PHF24: variants seen among roughly 807,000 people sequenced by gnomAD.
PHF24 encodes the protein PHD finger protein 24, also known as Galpha inhibitory interacting protein.
PHF24 carries 25 observed loss-of-function variants against 42.6 expected under a neutral mutation model. The observed-to-expected ratio is 0.59, with a 90% CI of 0.43 to 0.82. The LOEUF (loss-of-function observed/expected upper bound fraction) is 0.82. Among genes scored for constraint, PHF24 ranks in the 40% least tolerant of loss-of-function variants. PHF24 has a pLI of 0.00. For missense variants in PHF24, 470 were observed against 538.1 expected, an observed-to-expected ratio of 0.87 and a Z score of 1.25; for synonymous variants, 185 against 204.8, an observed-to-expected ratio of 0.90 and a Z score of 0.83.
At chr9:34,958,226 G>GCGCCGCCGCCGCCGCCGCCGCCGCCGC (rs1240549939), upstream of PHF24, 11 of 150,366 alleles carry the variant, frequency 7.3e-5, no homozygotes, top group African/African-American at 2.6e-4. The surrounding 1 kb of genome is among the most constrained non-coding windows in gnomAD (Gnocchi z 4.5). Context: ...CCGGCCGCGC[G>GCGCCGCCGCCGCCGCCGCCGCCGCCGC]CGCCGCCGCC....
chr9:34,730,364 C>G, the PHF24 span, among the ~76,000 whole-genome samples: 2 of 152,152 alleles, frequency 1.3e-5, no homozygotes, highest in African/African-American at 4.8e-5. Context: ...GCCACCAACA[C>G]CTCAGTATTC....
upstream of PHF24, among the ~76,000 whole-genome samples, chr9:34,955,506 G>A (rs781183324): frequency 3.3e-5 from 5 of 152,056 alleles, no homozygotes; most frequent in Non-Finnish European, 7.4e-5. Context: ...GCGAAACCCC[G>A]TCTCTACCAA....
At chr9:34,703,299 G>T in the PHF24 span, among the ~76,000 whole-genome samples, 1 of 152,030 alleles carries the variant, frequency 6.6e-6, no homozygotes, top group African/African-American at 2.4e-5. Flanking sequence ...CTCCCGAATA[G>T]CTGGGATTAC....
the PHF24 span, among the ~76,000 whole-genome samples, chr9:34,698,178 G>C: frequency 3.5e-4 from 51 of 143,994 alleles, no homozygotes; most frequent in Non-Finnish European, 6.1e-4. Context: ...GTCTTACCCA[G>C]TTTTTGACTT....
the PHF24 span, among the ~76,000 whole-genome samples, chr9:34,798,815 T>C: frequency 6.6e-6 from 1 of 152,330 alleles, no homozygotes; most frequent in South Asian, 2.1e-4. Flanking sequence ...TAATTTACAC[T>C]CCCACCAACA....
the PHF24 span, among the ~76,000 whole-genome samples, chr9:34,858,280 A>G: frequency 6.6e-6 from 1 of 152,194 alleles, no homozygotes; most frequent in African/African-American, 2.4e-5. Context: ...TTTGTCTGAG[A>G]AAGCCCTTCA....
chr9:34,902,651 C>A, the PHF24 span, among the ~76,000 whole-genome samples: 2 of 146,616 alleles, frequency 1.4e-5, no homozygotes, highest in Non-Finnish European at 3.0e-5. Context: ...AAGACCCTGT[C>A]TCAAAAAAAT....
the PHF24 span, among the ~76,000 whole-genome samples, chr9:34,912,989 A>G: frequency 6.6e-6 from 1 of 152,182 alleles, no homozygotes; most frequent in Non-Finnish European, 1.5e-5. Context: ...GCAAAGAAAT[A>G]TAAATTATAA....
At chr9:34,775,637 A>T in the PHF24 span, among the ~76,000 whole-genome samples, 4 of 152,220 alleles carry the variant, frequency 2.6e-5, no homozygotes, top group Non-Finnish European at 4.4e-5. Flanking sequence ...AGTAAATCTA[A>T]AAACGTTCTA....
the PHF24 span, among the ~76,000 whole-genome samples, chr9:34,861,891 C>T: frequency 6.6e-6 from 1 of 152,190 alleles, no homozygotes; most frequent in Non-Finnish European, 1.5e-5. Flanking sequence ...TAGAACAAAT[C>T]AAACCATATG....
the PHF24 span, chr9:34,893,209 A>C: frequency 2.1e-6 from 1 of 472,466 alleles, no homozygotes. Context: ...CTTCTCGGAA[A>C]AGTGTGGGCC....
chr9:34,902,539 C>T, the PHF24 span, among the ~76,000 whole-genome samples: 3 of 152,114 alleles, frequency 2.0e-5, no homozygotes, highest in South Asian at 4.1e-4. Context: ...GTCCCAGCTA[C>T]GCAACTCAGG....
the PHF24 span, among the ~76,000 whole-genome samples, chr9:34,732,707 A>G: frequency 7.2e-5 from 11 of 152,150 alleles, no homozygotes; most frequent in African/African-American, 2.7e-4. Context: ...CCCTAGATCA[A>G]TTTCCTGGAG....
the PHF24 span, among the ~76,000 whole-genome samples, chr9:34,919,342 C>T: frequency 3.3e-5 from 5 of 152,112 alleles, no homozygotes; most frequent in African/African-American, 9.7e-5. Flanking sequence ...TTTTGAAATA[C>T]ACAAAAAATT....
chr9:34,777,224 G>A, the PHF24 span, among the ~76,000 whole-genome samples: 2 of 152,192 alleles, frequency 1.3e-5, no homozygotes, highest in Non-Finnish European at 2.9e-5. Flanking sequence ...GTCAGTAGTG[G>A]CAGCAGTAGG....
the PHF24 span, among the ~76,000 whole-genome samples, chr9:34,731,322 AATT>A: frequency 3.5e-4 from 53 of 152,294 alleles, no homozygotes; most frequent in Non-Finnish European, 6.8e-4. Context: ...ATGTACAATA[AATT>A]ATTATTGACT....
At chr9:34,790,577 G>A in the PHF24 span, among the ~76,000 whole-genome samples, 6 of 152,306 alleles carry the variant, frequency 3.9e-5, no homozygotes, top group African/African-American at 1.4e-4. Flanking sequence ...TCTACCAGAG[G>A]CTGCTCTGGG....
the PHF24 span, chr9:34,726,973 A>G: frequency 6.5e-7 from 1 of 1,547,654 alleles, no homozygotes; most frequent in Non-Finnish European, 8.7e-7. Context: ...TTCTCTCCAG[A>G]GGAAGCCAGC....
At chr9:34,918,609 G>C in the PHF24 span, among the ~76,000 whole-genome samples, 1 of 152,128 alleles carries the variant, frequency 6.6e-6, no homozygotes, top group African/African-American at 2.4e-5. Flanking sequence ...AAAATTCTTA[G>C]CAGTGGTTAT....
Sources: gnomAD v4.1 joint callset for allele counts (sites outside exome capture counted in the v4.1 genomes callset) on GRCh38, gnomAD v4.1.1 for gene constraint, Gnocchi (gnomAD v3.1) non-coding constraint, MANE v1.5 for transcripts, NCBI Gene and HGNC (gene_info 2026-07-23, HGNC 2026-07-21) for gene names.